The following COL3A1 variants were observed in gnomAD, a reference collection of about 807,000 sequenced individuals.
COL3A1 encodes collagen type III alpha 1 chain.
In COL3A1, 46 loss-of-function variants were observed where a neutral mutation model predicts 200.9. That is an observed-to-expected ratio of 0.23 (90% CI 0.18 to 0.29). The LOEUF (loss-of-function observed/expected upper bound fraction) is 0.29. Ranked by LOEUF, COL3A1 falls within the 10% of genes least tolerant of loss-of-function variation. The probability of loss-of-function intolerance (pLI) is 1.00; values close to 1 mark genes in which losing one functional copy is unlikely to be tolerated. For missense variants in COL3A1, 1,367 were observed against 1,917.6 expected, an observed-to-expected ratio of 0.71 and a Z score of 5.36; for synonymous variants, 650 against 628.0, an observed-to-expected ratio of 1.03 and a Z score of -0.52.
chr2:188,999,717 C>A, intron 31 of COL3A1, 125 bp from the exon 32 acceptor site: 1 of 1,353,922 alleles, frequency 7.4e-7, no homozygotes, highest in Non-Finnish European at 1.0e-6. Flanking sequence ...AAGATGGATT[C>A]CTAAAGCAAC....
At chr2:188,999,136 C>T (rs776550153) in intron 29 of COL3A1, 149 bp from the exon 30 acceptor site, 24 of 779,562 alleles carry the variant, frequency 3.1e-5, no homozygotes, top group Non-Finnish European at 4.7e-5. Flanking sequence ...TAGTTCCCAC[C>T]CAGCTGTTCA....
rs746296984 is a variant in COL3A1, at chr2:189,003,456, G to T, written c.2599G>T (p.Gly867Cys). Residue 867 changes from glycine to cysteine, a missense_variant, in exon 37 of 51, where the codon GGT becomes TGT. This residue lies in a region of COL3A1 where 846 missense variants were observed against 1,147.9 expected (regional missense o/e 0.74). Transcript: ENST00000304636. Reference protein sequence around the residue: ...QGVKGERGSPGGPGAAGFPGA... With the variant: ...QGVKGERGSPCGPGAAGFPGA... ...TGTCAAAGGTGAACGTGGCAGTCCT[G>T]GTGGACCTGTAAGTATTGATCCTCT... The T allele has an allele frequency of 6.2e-7, 1 of 1,613,502 alleles. No individual in the cohort carries two copies.
At chr2:188,993,257 C>A (rs1199120853) in intron 15 of COL3A1, 104 bp from the exon 16 acceptor site, 10 of 956,000 alleles carry the variant, frequency 1.0e-5, no homozygotes, top group Non-Finnish European at 1.7e-5. Flanking sequence ...TAGAGTCCCA[C>A]TACTCCAACT....
chr2:188,983,023 G>C (rs759106642), intron 1 of COL3A1, among the ~76,000 whole-genome samples: 1 of 151,692 alleles, frequency 6.6e-6, no homozygotes. Context: ...TATATTTTCC[G>C]TAACACCATT....
intron 1 of COL3A1, chr2:188,978,159 A>C (rs535609631): frequency 4.5e-6 from 1 of 223,378 alleles, no homozygotes; most frequent in Non-Finnish European, 1.0e-5. Context: ...GCCTACATAT[A>C]AAAAGGTATT....
intron 23 of COL3A1, 97 bp from the exon 24 acceptor site, chr2:188,996,301 T>C (rs1206224502): frequency 2.3e-5 from 18 of 779,736 alleles, no homozygotes; most frequent in Non-Finnish European, 3.4e-5. Context: ...TATATCTATA[T>C]ATATACACAC....
chr2:188,995,841 G>T, intron 22 of COL3A1, 51 bp downstream of exon 22: 1 of 1,433,106 alleles, frequency 7.0e-7, no homozygotes, highest in African/African-American at 1.4e-5. Flanking sequence ...CAGAAGAAAG[G>T]CAAGACAAAT....
chr2:188,998,049 C>T (rs1270865495), intron 27 of COL3A1, among the ~76,000 whole-genome samples: 1 of 152,082 alleles, frequency 6.6e-6, no homozygotes, highest in South Asian at 2.1e-4. Context: ...TACATTTTTA[C>T]GTGTAGCAAT....
chr2:189,003,176 C>A (rs1688508201), intron 36 of COL3A1, 114 bp downstream of exon 36: 19 of 922,152 alleles, frequency 2.1e-5, no homozygotes, highest in Non-Finnish European at 2.9e-5. Flanking sequence ...CCTAAGTGTT[C>A]TAATGGAAAA....
intron 6 of COL3A1, 126 bp from the exon 7 acceptor site, chr2:188,988,464 A>G (rs763535262): frequency 1.4e-6 from 1 of 716,202 alleles, no homozygotes; most frequent in Non-Finnish European, 2.4e-6. Context: ...ATTTGGTCTC[A>G]ATATTTATAA....
At chr2:188,992,148 A>G in intron 13 of COL3A1, 36 bp from the exon 14 acceptor site, 1 of 1,611,096 alleles carries the variant, frequency 6.2e-7, no homozygotes, top group South Asian at 1.1e-5. Context: ...GCCATTCAGA[A>G]TTAAAAGGAT....
In COL3A1 at chr2:189,009,132, T is replaced by A; in HGVS notation, c.3734T>A (p.Ile1245Lys). ...TCACTCAAGTCTGTTAATGGACAAA[T>A]AGAAAGCCTCATTAGTCCTGATGGT... ...MTSLKSVNGQ[I>K]ESLISPDGSR... is the part of the protein sequence containing the mutation. Residue 1245 changes from isoleucine (I) to lysine (K), a missense_variant, in exon 48 of 51, where the codon ATA becomes AAA. Transcript: ENST00000304636. 1 of 1,614,164 alleles carries A rather than the reference T, an allele frequency of 6.2e-7. No individual in the cohort carries two copies. The highest frequency in any genetic ancestry group is 1.1e-5 in the South Asian group (1 of 91,082).
rs374532486 is a variant in COL3A1, at chr2:188,988,130, C to T, written c.578C>T (p.Ser193Phe). The T allele has an allele frequency of 6.2e-7, 1 of 1,611,990 alleles. No individual in the cohort carries two copies. Among genetic ancestry groups the T allele is most frequent in the Non-Finnish European group, 8.5e-7 (1 of 1,178,398 alleles). ...CCTGGTACATCTGGTCATCCTGGTTCCCCTGTAAGTATAGCCATTGGTGGT... is the reference window on the plus strand; with the variant it reads ...CCTGGTACATCTGGTCATCCTGGTTTCCCTGTAAGTATAGCCATTGGTGGT... ...GPPGTSGHPG[S>F]PGSPGYQGPP... Residue 193 changes from serine to phenylalanine, a missense_variant, in exon 6 of 51, where the codon TCC becomes TTC. Ser to Phe is a radical substitution (Grantham distance 155). Coordinates refer to ENST00000304636, the MANE Select transcript of COL3A1 (RefSeq NM_000090.4).
At chr2:188,977,852 T>C (rs1576457404) in intron 1 of COL3A1, among the ~76,000 whole-genome samples, 1 of 152,108 alleles carries the variant, frequency 6.6e-6, no homozygotes, top group Admixed American at 6.6e-5. Flanking sequence ...GGTATTTTTC[T>C]GTTTAATATT....
chr2:188,999,476 G>T lies in COL3A1; in HGVS notation c.2128G>T (p.Ala710Ser). Residue 710 changes from alanine to serine, a missense_variant, in exon 31 of 51, where the codon GCT (alanine) becomes TCT (serine). By Grantham distance (99) the Ala-to-Ser change is moderately conservative (BLOSUM62 1). Coordinates refer to ENST00000304636, the MANE Select transcript of COL3A1 (RefSeq NM_000090.4). ...ATTTCTCACTTATTTTCAGGGTGCT[G>T]CTGGTCCTCCTGGGCCACCTGGTGC... is the stretch of plus-strand genomic sequence containing the variant. The part of the protein sequence containing the change: ...PPGPEGGKGA[A>S]GPPGPPGAAG... 1 of 1,614,088 alleles carries T rather than the reference G, an allele frequency of 6.2e-7. No homozygotes were observed. The highest frequency in any genetic ancestry group is 2.2e-5 in the East Asian group (1 of 44,856).
In COL3A1 at chr2:188,990,031, G is replaced by C. The variant is rs554459082; in HGVS notation, c.691-65G>C. 1.9e-5 allele frequency: 27 copies of C among 1,435,352 alleles called. No individual in the cohort carries two copies. The Admixed American group carries it at 3.7e-4, about 20-fold the overall frequency. The allele number at this position is 1,435,352 out of a possible 1,614,324, so 88.9% of individuals were successfully genotyped here. A position where few individuals can be genotyped will look rare whatever the true frequency, so the allele number is the denominator to read the frequency against. On this transcript the variant is annotated intron_variant, in intron 8 of 50. Transcript: ENST00000304636. ...GAGAAAAATGCAAAGTAACCATTTT[G>C]CTTATTGGCTACAATGTATTTTCTC...
chr2:188,984,715 C>A, intron 1 of COL3A1, 45 bp from the exon 2 acceptor site: 1 of 1,579,094 alleles, frequency 6.3e-7, no homozygotes, highest in Non-Finnish European at 8.7e-7. Flanking sequence ...AATCACCTTT[C>A]AGCAAAACCT....
chr2:189,006,897 G>A lies in COL3A1; in HGVS notation c.3202-40G>A, dbSNP rs10194475. The A allele has an allele frequency of 0.036, 57,290 of 1,604,162 alleles. 2,689 individuals are homozygous for A. Among genetic ancestry groups the A allele is most frequent in the African/African-American group, 0.24 (17,823 of 74,570 alleles). On this transcript the variant is annotated intron_variant, in intron 43 of 50. Transcript: ENST00000304636. Reference sequence around the variant, plus strand: ...GAAATTGTGTCAACACATAAAACTAGTTCCGTGTATGTCTTCTCAATTGAA... The same window carrying A: ...GAAATTGTGTCAACACATAAAACTAATTCCGTGTATGTCTTCTCAATTGAA...
chr2:188,996,266 G>A (rs1688308752), intron 23 of COL3A1, 88 bp downstream of exon 23: 1 of 941,864 alleles, frequency 1.1e-6, no homozygotes, highest in Non-Finnish European at 1.6e-6. Flanking sequence ...GTGTGTGTGT[G>A]TGTGTATATA....
Sources: gnomAD v4.1 joint callset for allele counts (sites outside exome capture counted in the v4.1 genomes callset) on GRCh38, gnomAD v4.1.1 for gene constraint, gnomAD v4.1.1 regional missense constraint, MANE v1.5 for transcripts, NCBI Gene and HGNC (gene_info 2026-07-23, HGNC 2026-07-21) for gene names.